The following ST6GALNAC3 variants were observed in gnomAD, a reference collection of about 807,000 sequenced individuals.
ST6GALNAC3 encodes the protein ST6 N-acetylgalactosaminide alpha-2,6-sialyltransferase 3.
Under a neutral mutation model 32.7 loss-of-function variants are expected in ST6GALNAC3, and 25 were observed. The observed-to-expected ratio is 0.76, with a 90% CI of 0.56 to 1.07. The LOEUF is 1.07. Among genes scored for constraint, ST6GALNAC3 ranks in the 50% least tolerant of loss-of-function variants. The probability of loss-of-function intolerance (pLI) is 0.00; values close to 1 mark genes in which losing one functional copy is unlikely to be tolerated. For synonymous variants in ST6GALNAC3, 129 were observed against 133.1 expected (o/e 0.97, Z 0.21); for missense variants, 355 against 382.4 (o/e 0.93, Z 0.60).
chr1:76,573,072 G>A (rs910165198), intron 3 of ST6GALNAC3, among the ~76,000 whole-genome samples: 5 of 152,040 alleles, frequency 3.3e-5, no homozygotes, highest in African/African-American at 4.8e-5. Flanking sequence ...AGTTGCCAGG[G>A]GAGTCATGGG....
At chr1:76,261,476 G>C (rs1658231373) in intron 1 of ST6GALNAC3, among the ~76,000 whole-genome samples, 1 of 152,210 alleles carries the variant, frequency 6.6e-6, no homozygotes, top group African/African-American at 2.4e-5. Context: ...TCCTAGGTGA[G>C]AGAGCCATCC....
chr1:76,113,991 A>ATTT (rs754290749), intron 1 of ST6GALNAC3, among the ~76,000 whole-genome samples: 101 of 125,146 alleles, frequency 8.1e-4, no homozygotes, highest in African/African-American at 3.1e-3. Flanking sequence ...CGCCCGGCTA[A>ATTT]TTTTTTTTTT....
At chr1:76,456,198 A>C (rs754377668) in intron 3 of ST6GALNAC3, among the ~76,000 whole-genome samples, 1 of 152,062 alleles carries the variant, frequency 6.6e-6, no homozygotes, top group African/African-American at 2.4e-5. Context: ...ACAAAAACAA[A>C]AACTTTGTGA....
At chr1:76,221,913 C>A (rs1422581739) in intron 1 of ST6GALNAC3, among the ~76,000 whole-genome samples, 1 of 152,112 alleles carries the variant, frequency 6.6e-6, no homozygotes, top group South Asian at 2.1e-4. Context: ...TTATCCAGGT[C>A]TTGGCGTGAG....
chr1:76,426,966 A>G (rs1019227826), intron 3 of ST6GALNAC3, among the ~76,000 whole-genome samples: 1 of 152,044 alleles, frequency 6.6e-6, no homozygotes, highest in Non-Finnish European at 1.5e-5. Context: ...CATTGAGGTG[A>G]TATAATTTAA....
At chr1:76,179,868 G>T (rs1653070271) in intron 1 of ST6GALNAC3, among the ~76,000 whole-genome samples, 1 of 152,108 alleles carries the variant, frequency 6.6e-6, no homozygotes, top group Non-Finnish European at 1.5e-5. Context: ...TTAGGTATTT[G>T]TATGGTTCCC....
At chr1:76,171,876 ACAGATTC>A (rs1652536364) in intron 1 of ST6GALNAC3, among the ~76,000 whole-genome samples, 1 of 18,862 alleles carries the variant, frequency 5.3e-5, no homozygotes, top group Non-Finnish European at 2.4e-4. Flanking sequence ...AGACAGATTC[ACAGATTC>A]ACAGCTGAAT....
At chr1:76,210,422 C>T (rs79202798) in intron 1 of ST6GALNAC3, among the ~76,000 whole-genome samples, 1,551 of 152,270 alleles carry the variant, frequency 0.01, 7 homozygotes, top group Middle Eastern at 0.024. Flanking sequence ...GCCTTTTGTT[C>T]TAAATCTATG....
At chr1:76,222,434 A>C (rs576530869) in intron 1 of ST6GALNAC3, among the ~76,000 whole-genome samples, 3 of 152,214 alleles carry the variant, frequency 2.0e-5, no homozygotes, top group African/African-American at 7.2e-5. Context: ...TCTGCACAGC[A>C]AAAGAAACTA....
At chr1:76,345,952 T>C (rs752970873) in intron 2 of ST6GALNAC3, among the ~76,000 whole-genome samples, 1 of 152,168 alleles carries the variant, frequency 6.6e-6, no homozygotes, top group Non-Finnish European at 1.5e-5. Context: ...CCTTACATCC[T>C]GTGGGGGACT....
intron 1 of ST6GALNAC3, among the ~76,000 whole-genome samples, chr1:76,123,137 C>T (rs919595398): frequency 6.6e-5 from 10 of 152,110 alleles, no homozygotes; most frequent in East Asian, 5.8e-4. Flanking sequence ...TTTGGAAGGC[C>T]GAGGCAGGTG....
chr1:76,312,486 C>G (rs1646785075), intron 1 of ST6GALNAC3, among the ~76,000 whole-genome samples: 1 of 151,808 alleles, frequency 6.6e-6, no homozygotes, highest in South Asian at 2.1e-4. Flanking sequence ...AGTGAATAGG[C>G]AACCTACAGA....
rs557969646 is a variant in ST6GALNAC3 at position 76,096,766 on chromosome 1, G to A, written c.18+21882G>A. Among the ~76,000 whole-genome samples, 6 of 152,032 alleles carry A rather than the reference G, an allele frequency of 3.9e-5. No individual in the cohort carries two copies. The South Asian group carries it at 8.3e-4, about 21-fold the overall frequency. ...CTTCTCCCCACTTTCAACCCTTCCC[G>A]TCTTTCACTCTCCCAAAGGAGATTG... On this transcript the variant is annotated intron_variant, in intron 1 of 4. Transcript: ENST00000328299.
At chr1:76,512,185 T>C (rs998322101) in intron 3 of ST6GALNAC3, among the ~76,000 whole-genome samples, 3 of 152,180 alleles carry the variant, frequency 2.0e-5, no homozygotes, top group Non-Finnish European at 2.9e-5. Flanking sequence ...TTTTGATTTT[T>C]ATGGGGGAAA....
chr1:76,148,484 C>T (rs1570194543), intron 1 of ST6GALNAC3, among the ~76,000 whole-genome samples: 2 of 152,262 alleles, frequency 1.3e-5, no homozygotes, highest in Admixed American at 1.3e-4. Flanking sequence ...TTTGGTTTTC[C>T]TTCCGATATC....
At chr1:76,351,938 G>C (rs1490147746) in intron 2 of ST6GALNAC3, among the ~76,000 whole-genome samples, 1 of 152,072 alleles carries the variant, frequency 6.6e-6, no homozygotes, top group African/African-American at 2.4e-5. Flanking sequence ...AGGTTGGGGT[G>C]GGGGAAGGTC....
intron 1 of ST6GALNAC3, among the ~76,000 whole-genome samples, chr1:76,247,590 C>A (rs558218714): frequency 6.6e-6 from 1 of 152,258 alleles, no homozygotes; most frequent in East Asian, 1.9e-4. Flanking sequence ...GAATTCAGCC[C>A]AGTCCAAACC....
intron 1 of ST6GALNAC3, among the ~76,000 whole-genome samples, chr1:76,153,270 A>G (rs1330590291): frequency 6.6e-6 from 1 of 152,136 alleles, no homozygotes; most frequent in Non-Finnish European, 1.5e-5. Flanking sequence ...TACCCTCTGA[A>G]GTTGCCCGTT....
intron 2 of ST6GALNAC3, among the ~76,000 whole-genome samples, chr1:76,388,435 A>T (rs987036172): frequency 3.3e-5 from 5 of 152,166 alleles, no homozygotes; most frequent in Non-Finnish European, 7.4e-5. Context: ...AGCAGAGCTG[A>T]TAGAGGAAAA....
Sources: gnomAD v4.1 joint callset for allele counts (sites outside exome capture counted in the v4.1 genomes callset) on GRCh38, gnomAD v4.1.1 for gene constraint, MANE v1.5 for transcripts, NCBI Gene and HGNC (gene_info 2026-07-23, HGNC 2026-07-21) for gene names.